ZNF16: variants seen among roughly 807,000 people sequenced by gnomAD.
ZNF16 encodes the protein zinc finger protein KOX9.
A neutral mutation model predicts 9.0 loss-of-function variants in ZNF16; 7 were observed. The ratio of observed to expected loss-of-function variants is 0.78; its 90% CI spans 0.44 to 1.47. The LOEUF is 1.47. Among genes scored for constraint, ZNF16 ranks in the 40% most tolerant of loss-of-function variants. The probability of loss-of-function intolerance (pLI) is 0.01; values close to 1 mark genes in which losing one functional copy is unlikely to be tolerated. For synonymous variants in ZNF16, 312 were observed against 301.5 expected (o/e 1.03, Z -0.36); for missense variants, 830 against 854.2 (o/e 0.97, Z 0.35).
At position 144,930,832 on chromosome 8, in the gene ZNF16, G is replaced by C. The variant is rs543022847; in HGVS notation, c.1955C>G (p.Thr652Ser). 2.5e-6 allele frequency: 4 copies of C among 1,593,156 alleles called. No homozygotes were observed. The African/African-American group carries it at 4.0e-5, about 16-fold the overall frequency. ...SVLIQHQRIH[T>S]GVKPYDCAAC... ...AGCACAGTCATAGGGCTTCACCCCA[G>C]TGTGAATCCTCTGGTGCTGGATGAG... The change falls in exon 3 of 3, where the codon ACT (threonine) becomes AGT (serine). Residue 652 changes from threonine to serine, a missense_variant. Thr to Ser is a moderately conservative substitution (Grantham distance 58). Transcript: ENST00000394909.
At position 144,932,337 on chromosome 8, in the gene ZNF16, C is replaced by T; in HGVS notation, c.450G>A (p.Glu150=). 1 of 1,614,174 alleles carries T rather than the reference C, an allele frequency of 6.2e-7. No homozygotes were observed. The highest frequency in any genetic ancestry group is 1.3e-5 in the African/African-American group (1 of 75,058). Residue 150 remains glutamate (E), a synonymous_variant, in exon 3 of 3, where the codon GAG becomes GAA. Transcript: ENST00000394909. The surrounding 1 kb of genome is among the most constrained non-coding windows in gnomAD (Gnocchi z 5.0). ...CAAAACCATTACAGTCCAGATCTTT[C>T]TCCCCTAAGGGGCCCCTAAGGAGCC... The part of the protein sequence containing the change: ...AMGLLRGPLG[E]KDLDCNGFDS...
rs1463463889 is a variant in ZNF16 at position 144,933,977 on chromosome 8, A to T, written c.197-1387T>A. ...GGTCTAGCTGTAGTCGGTAGTGCTG[A>T]GTGGGTGTGAAGGATGCCCCTCCAA... On this transcript the variant is annotated intron_variant, in intron 2 of 2. Coordinates refer to ENST00000394909, the MANE Select transcript of ZNF16 (RefSeq NM_006958.3). This position sits in a 1 kb window ranked among gnomAD's most constrained non-coding sequence, Gnocchi z 5.6. 2.6e-5 allele frequency among the ~76,000 whole-genome samples: 4 copies of T among 152,120 alleles called. No homozygotes were observed. Among genetic ancestry groups the T allele is most frequent in the Non-Finnish European group, 1.5e-5 (1 of 68,008 alleles).
At position 144,946,154 on chromosome 8, in the gene ZNF16, G is replaced by T. The variant is rs1280410358; in HGVS notation, c.53C>A (p.Pro18Gln). ...TGCAGGGGTCCAGGGGGATGGTCCT[G>T]GAACTGAGAGCTCCATCTCTGCCTC... ...REEAEMELSV[P>Q]GPSPWTPAAQ... Residue 18 changes from proline (P) to glutamine (Q), a missense_variant, in exon 2 of 3, where the codon CCA (proline) becomes CAA (glutamine). Transcript: ENST00000394909. 6.4e-7 allele frequency: 1 copy of T among 1,565,512 alleles called. No individual in the cohort carries two copies. The highest frequency in any genetic ancestry group is 8.7e-7 in the Non-Finnish European group (1 of 1,149,872).
intron 2 of ZNF16, among the ~76,000 whole-genome samples, chr8:144,942,225 G>T (rs533544205): frequency 1.3e-5 from 2 of 148,498 alleles, no homozygotes; most frequent in African/African-American, 5.0e-5. Context: ...TGATCTGCCC[G>T]CCTCGGCCTC....
At chr8:144,948,794 C>T (rs747424562) in intron 1 of ZNF16, among the ~76,000 whole-genome samples, 1 of 152,174 alleles carries the variant, frequency 6.6e-6, no homozygotes, top group African/African-American at 2.4e-5. Flanking sequence ...ATCTTGCTTA[C>T]CAGGACACAG....
At chr8:144,942,286 A>C in intron 2 of ZNF16, among the ~76,000 whole-genome samples, 1 of 143,748 alleles carries the variant, frequency 7.0e-6, no homozygotes, top group Admixed American at 6.9e-5. Flanking sequence ...CCCATTTTTA[A>C]GATTTTTTTT....
rs886523821 is a variant in ZNF16, at chr8:144,932,898, C to T, written c.197-308G>A. Among the ~76,000 whole-genome samples, 1 of 152,216 alleles carries T rather than the reference C, an allele frequency of 6.6e-6. No individual in the cohort carries two copies. Among genetic ancestry groups the T allele is most frequent in the Non-Finnish European group, 1.5e-5 (1 of 68,044 alleles). On this transcript the variant is annotated intron_variant, in intron 2 of 2. Transcript: ENST00000394909. This position sits in a 1 kb window ranked among gnomAD's most constrained non-coding sequence, Gnocchi z 5.0. ...GGCCAAAATCCTGGCTGTCCCTTGACTCCCCTCTTCCTCGACACCCACACC... is the reference window on the plus strand; with the variant it reads ...GGCCAAAATCCTGGCTGTCCCTTGATTCCCCTCTTCCTCGACACCCACACC...
At chr8:144,938,782 G>T (rs1301506874) in intron 2 of ZNF16, among the ~76,000 whole-genome samples, 1 of 152,170 alleles carries the variant, frequency 6.6e-6, no homozygotes, top group East Asian at 1.9e-4. Context: ...TGCAATACAA[G>T]GCTGCAGAGT....
In ZNF16 at chr8:144,931,512, C is replaced by G; in HGVS notation, c.1275G>C (p.Arg425Ser). Reference sequence around the variant, plus strand: ...TATAGGGCTTCTCTCCAGTGTGAACCCTGTGGTGCTTAATGAGGTTGGAGA... The same window carrying G: ...TATAGGGCTTCTCTCCAGTGTGAACGCTGTGGTGCTTAATGAGGTTGGAGA... ...SRVSNLIKHH[R>S]VHTGEKPYKC... The change falls in exon 3 of 3, where the codon AGG becomes AGC. Residue 425 changes from arginine to serine, a missense_variant. Transcript: ENST00000394909. 1 of 1,614,040 alleles carries G rather than the reference C, an allele frequency of 6.2e-7. No homozygotes were observed. The highest frequency in any genetic ancestry group is 1.6e-4 in the Middle Eastern group (1 of 6,062).
chr8:144,950,170 G>A lies in ZNF16; in HGVS notation c.-10+627C>T, dbSNP rs145784625. The stretch of plus-strand genomic sequence containing the variant: ...GTACCTCCCCTTAAACTTAATTATG[G>A]CACAGATTCTTTTGCTCACATGCTT... On this transcript the variant is annotated intron_variant, in intron 1 of 2. Coordinates refer to ENST00000394909, the MANE Select transcript of ZNF16 (RefSeq NM_006958.3). 9.4e-3 allele frequency among the ~76,000 whole-genome samples: 1,423 copies of A among 151,664 alleles called. 9 individuals carry two copies. The highest frequency in any genetic ancestry group is 0.011 in the Non-Finnish European group (735 of 67,984).
Position 144,930,857 on chromosome 8 carries a change from G to C in ZNF16, c.1930C>G (p.Leu644Val). The change falls in exon 3 of 3, where the codon CTC (leucine) becomes GTC (valine). Residue 644 changes from leucine to valine, a missense_variant. Coordinates refer to ENST00000394909, the MANE Select transcript of ZNF16 (RefSeq NM_006958.3). ...GTGTGAATCCTCTGGTGCTGGATGA[G>C]GACCGAACGCTGACTGAAGGCTTTC... ...CGKAFSQRSV[L>V]IQHQRIHTGV... 1.2e-6 allele frequency: 2 copies of C among 1,603,628 alleles called. No homozygotes were observed. Among genetic ancestry groups the C allele is most frequent in the Non-Finnish European group, 1.7e-6 (2 of 1,174,208 alleles).
intron 2 of ZNF16, among the ~76,000 whole-genome samples, chr8:144,937,137 CTCTCTCTT>C (rs1833701976): frequency 2.7e-5 from 3 of 113,022 alleles, no homozygotes; most frequent in South Asian, 2.9e-4. Flanking sequence ...CACTTTCTTT[CTCTCTCTT>C]TTTTTTTTTT....
At position 144,947,162 on chromosome 8, in the gene ZNF16, C is replaced by T. The variant is rs1176165775; in HGVS notation, c.-9-947G>A. 5.5e-3 allele frequency among the ~76,000 whole-genome samples: 574 copies of T among 103,984 alleles called. 24 individuals are homozygous for T. Among genetic ancestry groups the T allele is most frequent in the African/African-American group, 0.023 (538 of 23,558 alleles). 68.2% of individuals were successfully genotyped at this position (103,984 alleles called of 152,430 possible). On this transcript the variant is annotated intron_variant, in intron 1 of 2. Transcript: ENST00000394909. ...GGCCATACCCTTCTGTGGGCCTGTA[C>T]CCTGCTGTGGGCCTGTGTCCTGCTG...
intron 2 of ZNF16, among the ~76,000 whole-genome samples, chr8:144,942,370 C>G (rs1262236255): frequency 6.6e-6 from 1 of 151,986 alleles, no homozygotes. Context: ...TGAGTTCAAC[C>G]TCTGCCTCCT....
In ZNF16 at chr8:144,931,112, T is replaced by G. The variant is rs773211376; in HGVS notation, c.1675A>C (p.Thr559Pro). 5.0e-6 allele frequency: 8 copies of G among 1,614,126 alleles called. No homozygotes were observed. The Admixed American group carries it at 1.3e-4, about 27-fold the overall frequency. The change falls in exon 3 of 3, where the codon ACC (threonine) becomes CCC (proline). Residue 559 changes from threonine to proline, a missense_variant. Thr to Pro is a conservative substitution (Grantham distance 38). Coordinates refer to ENST00000394909, the MANE Select transcript of ZNF16 (RefSeq NM_006958.3). ...ECGKTFSQSS[T>P]LIQHQRIHNG... ...TGAATCCTCTGATGCTGAATGAGGG[T>G]TGAGCTCTGGCTGAAGGTTTTTCCA...
At chr8:144,934,403 T>C (rs939720900) in intron 2 of ZNF16, among the ~76,000 whole-genome samples, 17 of 152,276 alleles carry the variant, frequency 1.1e-4, no homozygotes, top group African/African-American at 4.1e-4. Flanking sequence ...ACCACCCTGC[T>C]GCCCTTTGGC....
intron 2 of ZNF16, among the ~76,000 whole-genome samples, chr8:144,934,761 G>A (rs985547185): frequency 2.0e-5 from 3 of 152,216 alleles, no homozygotes; most frequent in African/African-American, 7.2e-5. Context: ...ACAGACAGGA[G>A]TCAGGAAGGT....
intron 1 of ZNF16, among the ~76,000 whole-genome samples, chr8:144,949,932 A>G (rs924180305): frequency 2.0e-5 from 3 of 152,188 alleles, no homozygotes; most frequent in Non-Finnish European, 4.4e-5. Flanking sequence ...CAGTTGAGAT[A>G]GAGGAAGGCC....
At position 144,932,690 on chromosome 8, in the gene ZNF16, G is replaced by A; in HGVS notation, c.197-100C>T. On this transcript the variant is annotated intron_variant, in intron 2 of 2. Transcript: ENST00000394909. This position sits in a 1 kb window ranked among gnomAD's most constrained non-coding sequence, Gnocchi z 5.0. ...ACCCACTAACTGTGGAGGAGGCAAG[G>A]GGAGCAGGGGATCCTCTGGGGTGGC... 1 of 1,285,788 alleles carries A rather than the reference G, an allele frequency of 7.8e-7. No homozygotes were observed. The highest frequency in any genetic ancestry group is 1.1e-6 in the Non-Finnish European group (1 of 928,946). 79.6% of individuals were successfully genotyped at this position (1,285,788 alleles called of 1,614,324 possible). A position where few individuals can be genotyped will look rare whatever the true frequency, so the allele number is the denominator to read the frequency against.
Sources: allele counts gnomAD v4.1 joint callset (sites outside exome capture counted in the v4.1 genomes callset), GRCh38; gene constraint gnomAD v4.1.1; non-coding constraint Gnocchi (gnomAD v3.1); transcripts MANE v1.5; gene names NCBI Gene and HGNC (gene_info 2026-07-23, HGNC 2026-07-21).